The following SETD2 variants were observed in gnomAD, a reference collection of about 807,000 sequenced individuals.
The protein encoded by SETD2 is SET domain containing 2, histone lysine methyltransferase.
A neutral mutation model predicts 242.1 loss-of-function variants in SETD2; 31 were observed. The observed-to-expected ratio is 0.13, with a 90% CI of 0.10 to 0.17. The LOEUF (loss-of-function observed/expected upper bound fraction) is 0.17. SETD2 is among the 10% of genes least tolerant of loss of function. The pLI is 1.00. For synonymous variants in SETD2, 1,006 were observed against 1,066.5 expected (o/e 0.94, Z 1.11); for missense variants, 2,481 against 3,046.3 (o/e 0.81, Z 4.37).
rs769219765 is a variant in SETD2 at position 47,113,995 on chromosome 3, C to G, written c.4596G>C (p.Arg1532=). The G allele has an allele frequency of 2.5e-6, 4 of 1,605,932 alleles. No individual in the cohort carries two copies. The highest frequency in any genetic ancestry group is 2.5e-6 in the Non-Finnish European group (3 of 1,177,544). ...TGGAACAATAATCCCCATTTGGACA[C>G]CGAGAAGAACTGAAATGAGAAAAGG... The part of the protein sequence containing the change: ...NRLLMIECSS[R]CPNGDYCSNR... Residue 1532 remains arginine, a synonymous_variant, in exon 5 of 21, where the codon CGG becomes CGC. Coordinates refer to ENST00000409792, the MANE Select transcript of SETD2 (RefSeq NM_014159.7).
intron 14 of SETD2, among the ~76,000 whole-genome samples, chr3:47,061,746 A>G (rs556036022): frequency 2.0e-5 from 3 of 152,334 alleles, no homozygotes; most frequent in East Asian, 3.9e-4. Context: ...TTCTACCAGC[A>G]TAACAAGAGA....
chr3:47,045,427 A>G (rs2039476554), intron 16 of SETD2, among the ~76,000 whole-genome samples: 1 of 150,810 alleles, frequency 6.6e-6, no homozygotes, highest in Non-Finnish European at 1.5e-5. Flanking sequence ...CTGAGGCCGG[A>G]GAATGGTGAG....
In SETD2 at chr3:47,042,635, G is replaced by C. The variant is rs144752494; in HGVS notation, c.7164C>G (p.Thr2388=). 6.2e-7 allele frequency: 1 copy of C among 1,613,428 alleles called. No individual in the cohort carries two copies. The highest frequency in any genetic ancestry group is 8.5e-7 in the Non-Finnish European group (1 of 1,179,748). ...TCTTCCAGTTGGGAGGTAAGACAATGGTTTTTGGTTTGGGAGGAGAGGGGG... is the reference window on the plus strand; with the variant it reads ...TCTTCCAGTTGGGAGGTAAGACAATCGTTTTTGGTTTGGGAGGAGAGGGGG... ...LPPPSPPKPK[T]IVLPPNWKTA... The change falls in exon 17 of 21, where the codon ACC becomes ACG. Residue 2388 remains threonine, a synonymous_variant. Coordinates refer to ENST00000409792, the MANE Select transcript of SETD2 (RefSeq NM_014159.7).
intron 17 of SETD2, 68 bp from the exon 18 acceptor site, chr3:47,037,845 T>C: frequency 9.6e-7 from 1 of 1,037,260 alleles, no homozygotes; most frequent in Non-Finnish European, 1.5e-6. Flanking sequence ...TAAACATCAC[T>C]GCTCATACAT....
chr3:47,020,183 G>A (rs1468711589), intron 18 of SETD2, among the ~76,000 whole-genome samples: 1 of 152,030 alleles, frequency 6.6e-6, no homozygotes. Context: ...CACAAAACAA[G>A]CTCCATCTCT....
At chr3:47,101,605 T>A in intron 7 of SETD2, 50 bp from the exon 8 acceptor site, 1 of 747,676 alleles carries the variant, frequency 1.3e-6, no homozygotes. Flanking sequence ...TTAGTGTGTG[T>A]GTGTGTGTGT....
rs756020729 is a variant in SETD2 at position 47,123,727 on chromosome 3, T to C, written c.909A>G (p.Lys303=). ...PDSSKISLSC[K]KTGSKKKSSQ... is the part of the protein sequence containing the mutation. ...AGGATTTCTTCTTAGAACCTGTTTT[T>C]TTACAGCTCAGACTAATCTTAGAAC... The change falls in exon 3 of 21, where the codon AAA becomes AAG. Residue 303 remains lysine, a synonymous_variant. Coordinates refer to ENST00000409792, the MANE Select transcript of SETD2 (RefSeq NM_014159.7). 16 of 1,551,370 alleles carry C rather than the reference T, an allele frequency of 1.0e-5. No individual in the cohort carries two copies. The South Asian group carries it at 1.7e-4, about 16-fold the overall frequency.
At chr3:47,052,091 T>C (rs764055084) in intron 15 of SETD2, among the ~76,000 whole-genome samples, 2 of 152,212 alleles carry the variant, frequency 1.3e-5, no homozygotes, top group Admixed American at 6.5e-5. Context: ...GCAGAAGATA[T>C]ACACGTTTGT....
At position 47,123,499 on chromosome 3, in the gene SETD2, G is replaced by C. The variant is rs772306607; in HGVS notation, c.1137C>G (p.Ser379Arg). 1.9e-6 allele frequency: 3 copies of C among 1,550,842 alleles called. No homozygotes were observed. The highest frequency in any genetic ancestry group is 2.0e-5 in the Admixed American group (1 of 50,958). ...GAGTATCTCTTTCAAGTTTTGAATA[G>C]CTAAAATATTTATCATCTCTGTCTG... is the stretch of plus-strand genomic sequence containing the variant. ...SKTDRDDKYF[S>R]YSKLERDTRY... The change falls in exon 3 of 21, where the codon AGC becomes AGG. Residue 379 changes from serine (S) to arginine (R), a missense_variant. This residue lies in a region of SETD2 where 1,300 missense variants were observed against 1,259.2 expected (regional missense o/e 1.03). Transcript: ENST00000409792.
At chr3:47,143,253 C>T (rs984394780) in intron 1 of SETD2, among the ~76,000 whole-genome samples, 3 of 152,054 alleles carry the variant, frequency 2.0e-5, no homozygotes, top group Non-Finnish European at 2.9e-5. Context: ...ACGATCTCAC[C>T]ACTGCATTCC....
intron 18 of SETD2, among the ~76,000 whole-genome samples, chr3:47,032,771 G>T (rs1391039485): frequency 6.6e-6 from 1 of 151,998 alleles, no homozygotes; most frequent in Non-Finnish European, 1.5e-5. Context: ...AATCAGCCAG[G>T]CGTGGTGGCA....
At chr3:47,088,067 TCCCA>T in intron 10 of SETD2, 42 bp downstream of exon 10, 1 of 1,570,604 alleles carries the variant, frequency 6.4e-7, no homozygotes, top group African/African-American at 1.4e-5. Context: ...ATTCATTCAT[TCCCA>T]CCACAAAACC....
intron 5 of SETD2, among the ~76,000 whole-genome samples, chr3:47,113,008 T>C (rs2042717884): frequency 1.3e-5 from 2 of 152,206 alleles, no homozygotes; most frequent in African/African-American, 2.4e-5. Context: ...ATCAGTTACA[T>C]GGAAAGCAAC....
chr3:47,119,637 C>T (rs555072538), intron 3 of SETD2: 4 of 328,056 alleles, frequency 1.2e-5, no homozygotes, highest in African/African-American at 8.9e-5. Flanking sequence ...TAAGAAGTGC[C>T]TTTTGCCTCC....
intron 13 of SETD2, among the ~76,000 whole-genome samples, chr3:47,066,575 T>C (rs1428923833): frequency 2.0e-5 from 3 of 152,036 alleles, no homozygotes; most frequent in Non-Finnish European, 1.5e-5. Flanking sequence ...TCTCAAACTC[T>C]TGGGCTCAAG....
chr3:47,081,151 T>C (rs2041299175), intron 12 of SETD2: 1 of 884,538 alleles, frequency 1.1e-6, no homozygotes, highest in Non-Finnish European at 1.4e-6. Flanking sequence ...GAGTAATTCA[T>C]GAAGCTTCAT....
intron 12 of SETD2, among the ~76,000 whole-genome samples, chr3:47,080,086 G>A (rs891375830): frequency 6.6e-6 from 1 of 152,204 alleles, no homozygotes; most frequent in African/African-American, 2.4e-5. Context: ...TAGCGAGGGA[G>A]TGAAATTCCA....
Position 47,096,725 on chromosome 3 carries a change from G to C in SETD2, c.5142+1230C>G, listed in dbSNP as rs145673717. On this transcript the variant is annotated intron_variant, in intron 9 of 20. Transcript: ENST00000409792. Reference sequence around the variant, plus strand: ...TCACTCTACTGTACTCTGGCCTGTGGAACAGTGCGAGACGTTGTCTCAAAA... The same window carrying C: ...TCACTCTACTGTACTCTGGCCTGTGCAACAGTGCGAGACGTTGTCTCAAAA... Among the ~76,000 whole-genome samples, 8 of 152,014 alleles carry C rather than the reference G, an allele frequency of 5.3e-5. No homozygotes were observed. The East Asian group carries it at 1.5e-3, about 29-fold the overall frequency.
intron 9 of SETD2, among the ~76,000 whole-genome samples, chr3:47,096,540 C>T (rs1441835690): frequency 7.4e-6 from 1 of 135,478 alleles, no homozygotes; most frequent in African/African-American, 3.0e-5. Context: ...TCACTGAATT[C>T]CAGCCTAAGC....
Sources: allele counts gnomAD v4.1 joint callset (sites outside exome capture counted in the v4.1 genomes callset), GRCh38; gene constraint gnomAD v4.1.1; regional missense constraint gnomAD v4.1.1; transcripts MANE v1.5; gene names NCBI Gene and HGNC (gene_info 2026-07-23, HGNC 2026-07-21).